ELAC2: variants seen among roughly 807,000 people sequenced by gnomAD.
The protein encoded by ELAC2 is zinc phosphodiesterase ELAC protein 2.
ELAC2 carries 92 observed loss-of-function variants against 105.2 expected under a neutral mutation model. The observed-to-expected ratio is 0.87, with a 90% CI of 0.74 to 1.04. ELAC2 has a LOEUF of 1.04. Ranked by LOEUF, ELAC2 falls within the 50% of genes least tolerant of loss-of-function variation. The pLI, the probability that ELAC2 is intolerant of heterozygous loss-of-function variation, is 0.00. For missense variants in ELAC2, 1,099 were observed against 1,071.7 expected (o/e 1.03, Z -0.36); for synonymous variants, 468 against 409.1 (o/e 1.14, Z -1.74).
At chr17:13,001,310 G>C (rs1462760948) in intron 14 of ELAC2, among the ~76,000 whole-genome samples, 8 of 152,058 alleles carry the variant, frequency 5.3e-5, no homozygotes, top group Non-Finnish European at 7.4e-5. Flanking sequence ...CTGCCAACAT[G>C]GTGAAACCCG....
intron 3 of ELAC2, among the ~76,000 whole-genome samples, 185 bp downstream of exon 3, chr17:13,016,677 G>C (rs543195105): frequency 6.6e-6 from 1 of 151,158 alleles, no homozygotes; most frequent in Non-Finnish European, 1.5e-5. Flanking sequence ...CTATTTGGGA[G>C]GCTGAGGTGA....
Position 12,991,805 on chromosome 17 carries a change from A to T in ELAC2, c.*1013T>A, listed in dbSNP as rs1262108861. On this transcript the variant is annotated 3_prime_UTR_variant, in exon 24 of 24. Coordinates refer to ENST00000338034, the MANE Select transcript of ELAC2 (RefSeq NM_018127.7). ...GAGTTTTTAAAGCTCTTCTTTTTACATTCTCCTGGGTAGGGAATATACACA... is the reference window on the plus strand; with the variant it reads ...GAGTTTTTAAAGCTCTTCTTTTTACTTTCTCCTGGGTAGGGAATATACACA... 6.6e-6 allele frequency among the ~76,000 whole-genome samples: 1 copy of T among 151,970 alleles called. No individual in the cohort carries two copies. The highest frequency in any genetic ancestry group is 1.5e-5 in the Non-Finnish European group (1 of 68,012).
At chr17:13,012,069 C>T (rs1327979489) in intron 6 of ELAC2, among the ~76,000 whole-genome samples, 1 of 152,132 alleles carries the variant, frequency 6.6e-6, no homozygotes, top group Admixed American at 6.6e-5. Context: ...TTATTATCAT[C>T]ACTCCCGCTA....
intron 6 of ELAC2, among the ~76,000 whole-genome samples, chr17:13,012,549 C>T (rs933312333): frequency 6.6e-6 from 1 of 152,202 alleles, no homozygotes; most frequent in African/African-American, 2.4e-5. Flanking sequence ...CAGTGTAAGC[C>T]TCATCTCCTC....
chr17:13,008,966 G>A lies in ELAC2; in HGVS notation c.738+1647C>T, dbSNP rs78748254. Among the ~76,000 whole-genome samples, 42 of 152,336 alleles carry A rather than the reference G, an allele frequency of 2.8e-4. 1 individual carries two copies. The East Asian group carries it at 7.9e-3, about 29-fold the overall frequency. On this transcript the variant is annotated intron_variant, in intron 8 of 23. Transcript: ENST00000338034. ...TGCCCGAGTGTGTAAAAGTGAGCTT[G>A]TCACTTTTCATCATGCTCACTGTTA... is the stretch of plus-strand genomic sequence containing the variant.
chr17:13,008,399 C>A (rs191925702), intron 8 of ELAC2, among the ~76,000 whole-genome samples: 3 of 151,870 alleles, frequency 2.0e-5, no homozygotes, highest in Admixed American at 6.6e-5. Flanking sequence ...GTAGTCCCAG[C>A]TACTCGGGAG....
intron 4 of ELAC2, 66 bp from the exon 5 acceptor site, chr17:13,014,562 T>A (rs1382035147): frequency 3.4e-6 from 4 of 1,186,196 alleles, no homozygotes; most frequent in African/African-American, 1.5e-5. Flanking sequence ...ACTATTCAAG[T>A]ATTTAAAAGG....
Position 13,002,256 on chromosome 17 carries a change from G to A in ELAC2, c.1304+18C>T. ...CAACTCGACTGAGACGATTCCATTA[G>A]TTCAAGATGGCACAGACCTCTGCCA... On this transcript the variant is annotated intron_variant, in intron 14 of 23. Coordinates refer to ENST00000338034, the MANE Select transcript of ELAC2 (RefSeq NM_018127.7). 1.9e-6 allele frequency: 3 copies of A among 1,613,750 alleles called. No individual in the cohort carries two copies. Among genetic ancestry groups the A allele is most frequent in the East Asian group, 2.2e-5 (1 of 44,882 alleles).
Position 13,000,505 on chromosome 17 carries a change from A to AAGAC in ELAC2, c.1305-235_1305-232dup, listed in dbSNP as rs1178916516. ...ACGGGGAACTACTGATGCTCAGGGC[A>AAGAC]AGACAGTTTTTTTCTGTGGCCAGTG... On this transcript the variant is annotated intron_variant, in intron 14 of 23. Transcript: ENST00000338034. 3.9e-5 allele frequency: 22 copies of AAGAC among 562,858 alleles called. No homozygotes were observed. The East Asian group carries it at 6.8e-4, about 17-fold the overall frequency. The allele number at this position is 562,858 out of a possible 1,614,324, so 34.9% of individuals were successfully genotyped here. A position where few individuals can be genotyped will look rare whatever the true frequency, so the allele number is the denominator to read the frequency against.
Position 13,005,074 on chromosome 17 carries a change from G to C in ELAC2, c.898C>G (p.Pro300Ala). The C allele has an allele frequency of 1.2e-6, 2 of 1,614,162 alleles. No homozygotes were observed. The highest frequency in any genetic ancestry group is 1.7e-6 in the Non-Finnish European group (2 of 1,180,016). The change falls in exon 11 of 24, where the codon CCA becomes GCA. Residue 300 changes from proline (P) to alanine (A), a missense_variant. Pro to Ala is a conservative substitution (Grantham distance 27). Coordinates refer to ENST00000338034, the MANE Select transcript of ELAC2 (RefSeq NM_018127.7). Reference protein sequence around the residue: ...EILAEELCTPPDPGAAFVVVE... With the variant: ...EILAEELCTPADPGAAFVVVE... ...ACCACAAAAGCAGCACCAGGATCTG[G>C]AGGAGTACACAGCTCTTCAGCCAAA...
chr17:13,011,852 A>G, intron 6 of ELAC2, 70 bp from the exon 7 acceptor site: 1 of 1,611,744 alleles, frequency 6.2e-7, no homozygotes. Flanking sequence ...CCAGACGTTC[A>G]TACATGGGAA....
intron 16 of ELAC2, among the ~76,000 whole-genome samples, chr17:12,997,622 A>T (rs1200790218): frequency 1.3e-5 from 2 of 152,150 alleles, no homozygotes; most frequent in East Asian, 3.8e-4. Context: ...GTCCTCATCC[A>T]CAGAGAAACA....
rs1309226692 is a variant in ELAC2 at position 12,992,081 on chromosome 17, T to C, written c.*737A>G. ...ACCCAGAACCACCAGAAGACTTGCATTTCCCTGACCAATGACACCAGCCCA... is the reference window on the plus strand; with the variant it reads ...ACCCAGAACCACCAGAAGACTTGCACTTCCCTGACCAATGACACCAGCCCA... On this transcript the variant is annotated 3_prime_UTR_variant, in exon 24 of 24. Coordinates refer to ENST00000338034, the MANE Select transcript of ELAC2 (RefSeq NM_018127.7). 6.6e-6 allele frequency among the ~76,000 whole-genome samples: 1 copy of C among 152,178 alleles called. No homozygotes were observed. Among genetic ancestry groups the C allele is most frequent in the Non-Finnish European group, 1.5e-5 (1 of 68,034 alleles).
chr17:13,009,772 C>A (rs1487897854), intron 8 of ELAC2, among the ~76,000 whole-genome samples: 1 of 152,158 alleles, frequency 6.6e-6, no homozygotes, highest in Non-Finnish European at 1.5e-5. Flanking sequence ...GGGTGGATCA[C>A]CTGAGGTCAG....
At chr17:12,998,294 A>T in intron 16 of ELAC2, 118 bp downstream of exon 16, 18 of 998,962 alleles carry the variant, frequency 1.8e-5, no homozygotes, top group Non-Finnish European at 2.8e-5. Flanking sequence ...TCCAGTCGAC[A>T]TGACAAGTGA....
intron 21 of ELAC2, 58 bp from the exon 22 acceptor site, chr17:12,994,561 TCA>T: frequency 2.5e-6 from 4 of 1,606,322 alleles, no homozygotes; most frequent in Non-Finnish European, 2.6e-6. Context: ...CACACAGGCC[TCA>T]GTCACGTGCT....
intron 8 of ELAC2, among the ~76,000 whole-genome samples, chr17:13,010,008 A>AAAAAAAAAAG (rs2041327700): frequency 2.0e-5 from 3 of 151,176 alleles, no homozygotes; most frequent in Non-Finnish European, 3.0e-5. Context: ...AAAAAAAAAA[A>AAAAAAAAAAG]TGTACGGAGG....
chr17:13,006,384 AAAAT>A (rs2143630753), intron 8 of ELAC2: 1 of 234,288 alleles, frequency 4.3e-6, no homozygotes, highest in Non-Finnish European at 8.6e-6. Context: ...AAAAAAATAA[AAAAT>A]AAAATGATGT....
At chr17:12,996,082 A>T (rs1053566545) in intron 17 of ELAC2, 104 bp from the exon 18 acceptor site, 2 of 1,287,750 alleles carry the variant, frequency 1.6e-6, no homozygotes, top group African/African-American at 2.9e-5. Flanking sequence ...GCCCGACGTC[A>T]CCCACCAGCC....
Sources: gnomAD v4.1 joint callset for allele counts (sites outside exome capture counted in the v4.1 genomes callset) on GRCh38, gnomAD v4.1.1 for gene constraint, MANE v1.5 for transcripts, NCBI Gene and HGNC (gene_info 2026-07-23, HGNC 2026-07-21) for gene names.